ZRANB3: variants seen among roughly 807,000 people sequenced by gnomAD.
ZRANB3 encodes the protein zinc finger RANBP2-type containing 3.
A neutral mutation model predicts 133.8 loss-of-function variants in ZRANB3; 125 were observed. The ratio of observed to expected loss-of-function variants is 0.93; its 90% confidence interval spans 0.81 to 1.08. ZRANB3 has a LOEUF of 1.08. ZRANB3 is among the 50% of genes least tolerant of loss of function. ZRANB3 has a pLI of 0.00. For missense variants in ZRANB3, 1,229 were observed against 1,275.5 expected (o/e 0.96, Z 0.56); for synonymous variants, 387 against 432.7 (o/e 0.89, Z 1.31).
intron 12 of ZRANB3, among the ~76,000 whole-genome samples, chr2:135,251,458 A>T (rs1679390186): frequency 6.6e-6 from 1 of 152,048 alleles, no homozygotes; most frequent in Admixed American, 6.6e-5. Flanking sequence ...GGAATGATAT[A>T]GTTTGGCTGT....
intron 8 of ZRANB3, among the ~76,000 whole-genome samples, chr2:135,278,981 G>A (rs936146524): frequency 1.3e-5 from 2 of 151,804 alleles, no homozygotes; most frequent in Non-Finnish European, 2.9e-5. Context: ...TTAATCTTCC[G>A]TATTAAGAAG....
At chr2:135,520,354 C>T (rs1053681928) in intron 1 of ZRANB3, among the ~76,000 whole-genome samples, 9 of 151,818 alleles carry the variant, frequency 5.9e-5, no homozygotes, top group African/African-American at 2.2e-4. Flanking sequence ...AAGTTCATGC[C>T]ACTGCACTCC....
intron 2 of ZRANB3, among the ~76,000 whole-genome samples, chr2:135,454,580 C>T (rs953603356): frequency 2.0e-4 from 30 of 152,152 alleles, no homozygotes; most frequent in African/African-American, 7.0e-4. Flanking sequence ...TTTCATCCCT[C>T]ACCCCCTTCC....
At chr2:135,434,481 T>C (rs992664393) in intron 2 of ZRANB3, among the ~76,000 whole-genome samples, 5 of 152,216 alleles carry the variant, frequency 3.3e-5, no homozygotes, top group Admixed American at 6.5e-5. Flanking sequence ...GAAGATAATC[T>C]ATCAGTTAAA....
chr2:135,312,942 C>A (rs539134729), intron 8 of ZRANB3, among the ~76,000 whole-genome samples: 2 of 151,276 alleles, frequency 1.3e-5, no homozygotes, highest in Admixed American at 1.3e-4. Flanking sequence ...ATTGCTTGAA[C>A]CCAGGAGGTG....
rs900610770 is a variant in ZRANB3, at chr2:135,471,106, T to A, written c.161+33223A>T. Among the ~76,000 whole-genome samples the A allele has an allele frequency of 1.3e-4, 20 of 148,358 alleles. No homozygotes were observed. The South Asian group carries it at 4.2e-3, about 31-fold the overall frequency. On this transcript the variant is annotated intron_variant, in intron 2 of 20. Coordinates refer to ENST00000264159, the MANE Select transcript of ZRANB3 (RefSeq NM_032143.4). Reference sequence around the variant, plus strand: ...TTGAGCCACTGCACCCGGCCTCACTTTTTTTTTTTTTTCAACCAGAAAGAT... The same window carrying A: ...TTGAGCCACTGCACCCGGCCTCACTATTTTTTTTTTTTCAACCAGAAAGAT...
chr2:135,233,946 A>T (rs1254595846), intron 12 of ZRANB3, among the ~76,000 whole-genome samples: 10 of 152,152 alleles, frequency 6.6e-5, no homozygotes, highest in African/African-American at 2.2e-4. Context: ...CATAACAGTA[A>T]TAACCTTAAA....
intron 12 of ZRANB3, among the ~76,000 whole-genome samples, chr2:135,240,238 G>A (rs769467212): frequency 1.6e-4 from 25 of 152,266 alleles, no homozygotes; most frequent in Non-Finnish European, 2.9e-4. Flanking sequence ...GCTACTTTAG[G>A]AGGCTGAGGA....
rs185426571 is a variant in ZRANB3, at chr2:135,273,110, C to G, written c.1087-1223G>C. Among the ~76,000 whole-genome samples, 451 of 150,416 alleles carry G rather than the reference C, an allele frequency of 3.0e-3. 2 individuals carry two copies. The highest frequency in any genetic ancestry group is 0.01 in the African/African-American group (427 of 40,900). On this transcript the variant is annotated intron_variant, in intron 9 of 20. Transcript: ENST00000264159. ...CTGAGGCAGAAGAATGGCGTGAACC[C>G]GGGAGGCGGAGCTTGCAGCGAGTGG...
intron 3 of ZRANB3, among the ~76,000 whole-genome samples, chr2:135,388,781 C>T (rs1687094874): frequency 6.6e-6 from 1 of 152,154 alleles, no homozygotes; most frequent in African/African-American, 2.4e-5. Flanking sequence ...CCATTTAGAG[C>T]TCATCCTGTT....
chr2:135,483,491 A>T (rs1365740195), intron 2 of ZRANB3, among the ~76,000 whole-genome samples: 1 of 151,876 alleles, frequency 6.6e-6, no homozygotes, highest in Admixed American at 6.6e-5. Flanking sequence ...TATTGCGTCT[A>T]TTTGATTCTT....
At chr2:135,337,419 T>C (rs1684416846) in intron 6 of ZRANB3, among the ~76,000 whole-genome samples, 1 of 152,184 alleles carries the variant, frequency 6.6e-6, no homozygotes, top group Admixed American at 6.6e-5. Context: ...TAGATATGTA[T>C]ATATAACTGA....
At chr2:135,217,375 T>A in intron 17 of ZRANB3, 90 bp downstream of exon 17, 1 of 1,243,114 alleles carries the variant, frequency 8.0e-7, no homozygotes, top group Non-Finnish European at 1.1e-6. Flanking sequence ...CAGGATTTCA[T>A]TAGTGGTTCC....
intron 3 of ZRANB3, among the ~76,000 whole-genome samples, chr2:135,377,394 T>A (rs933869904): frequency 6.6e-6 from 1 of 152,176 alleles, no homozygotes; most frequent in African/African-American, 2.4e-5. Flanking sequence ...CTAGTATCGA[T>A]CTTCAGTAAA....
At chr2:135,321,554 A>G (rs1287932887) in intron 6 of ZRANB3, among the ~76,000 whole-genome samples, 1 of 151,362 alleles carries the variant, frequency 6.6e-6, no homozygotes, top group Non-Finnish European at 1.5e-5. Context: ...GTTCACTGCA[A>G]TCTCCACCTG....
At chr2:135,381,274 G>A (rs754927893) in intron 3 of ZRANB3, among the ~76,000 whole-genome samples, 1 of 152,152 alleles carries the variant, frequency 6.6e-6, no homozygotes, top group Non-Finnish European at 1.5e-5. Context: ...GTCTGAGATC[G>A]AACTGTAACA....
intron 2 of ZRANB3, among the ~76,000 whole-genome samples, chr2:135,449,083 T>G (rs1690152910): frequency 6.6e-6 from 1 of 152,228 alleles, no homozygotes; most frequent in Non-Finnish European, 1.5e-5. Context: ...TCTTCCCACT[T>G]GATCCTCTTG....
intron 2 of ZRANB3, among the ~76,000 whole-genome samples, chr2:135,477,234 T>C (rs2104787542): frequency 6.6e-6 from 1 of 152,276 alleles, no homozygotes; most frequent in South Asian, 2.1e-4. Context: ...ATATGTAATA[T>C]GAAAATTACC....
At chr2:135,295,452 A>C (rs530496773) in intron 8 of ZRANB3, among the ~76,000 whole-genome samples, 3 of 151,710 alleles carry the variant, frequency 2.0e-5, no homozygotes, top group Non-Finnish European at 4.4e-5. Context: ...CCATCCTTTT[A>C]TTTTGAGCCT....
Sources: gnomAD v4.1 joint callset for allele counts (sites outside exome capture counted in the v4.1 genomes callset) on GRCh38, gnomAD v4.1.1 for gene constraint, MANE v1.5 for transcripts, NCBI Gene and HGNC (gene_info 2026-07-23, HGNC 2026-07-21) for gene names.